Variants in ZKSCAN7 observed in about 807,000 individuals in gnomAD.
ZKSCAN7 encodes zinc finger protein with KRAB and SCAN domains 7.
ZKSCAN7 carries 38 observed loss-of-function variants against 65.3 expected under a neutral mutation model. The observed-to-expected ratio is 0.58, with a 90% confidence interval of 0.45 to 0.76. The LOEUF (loss-of-function observed/expected upper bound fraction) is 0.76, where lower values mean the gene tolerates loss of function less well. ZKSCAN7 is among the 30% of genes least tolerant of loss of function. ZKSCAN7 has a pLI of 0.00. For synonymous variants in ZKSCAN7, 321 were observed against 321.0 expected (o/e 1.00, Z 0.00); for missense variants, 815 against 913.3 (o/e 0.89, Z 1.39).
At chr3:44,578,587 C>T (rs1244977022) in intron 5 of ZKSCAN7, among the ~76,000 whole-genome samples, 1 of 152,206 alleles carries the variant, frequency 6.6e-6, no homozygotes, top group Non-Finnish European at 1.5e-5. Context: ...GTTCCCGCTG[C>T]ACCGACTGCA....
chr3:44,573,064 A>G (rs575248005), downstream of ZKSCAN7, among the ~76,000 whole-genome samples: 1 of 152,320 alleles, frequency 6.6e-6, no homozygotes, highest in South Asian at 2.1e-4. Flanking sequence ...ATCTTAATTT[A>G]AAGATGAGAG....
In ZKSCAN7 at chr3:44,570,450, C is replaced by T. The variant is rs1699768580; in HGVS notation, c.1340C>T (p.Ala447Val). Residue 447 changes from alanine (A) to valine (V), a missense_variant, in exon 6 of 6, where the codon GCC becomes GTC. Physicochemically the swap from Ala to Val is moderately conservative, Grantham distance 64. Around this residue, in one of 3 missense-constraint regions of ZKSCAN7, gnomAD observed 578 missense variants for 629.5 expected, o/e 0.92. Coordinates refer to ENST00000426540, the MANE Select transcript of ZKSCAN7 (RefSeq NM_001288590.2). ...KPYECSECGK[A>V]YRHSSHLIQH... ...TATGAATGCAGTGAGTGTGGAAAGG[C>T]CTATAGGCACAGCTCCCATCTCATT... 1.2e-6 allele frequency: 2 copies of T among 1,614,036 alleles called. No homozygotes were observed. The highest frequency in any genetic ancestry group is 1.7e-6 in the Non-Finnish European group (2 of 1,179,990).
At chr3:44,569,392 G>A (rs1214599496) in intron 5 of ZKSCAN7, among the ~76,000 whole-genome samples, 1 of 152,134 alleles carries the variant, frequency 6.6e-6, no homozygotes, top group Non-Finnish European at 1.5e-5. Flanking sequence ...TGTAAGATCT[G>A]TTCTTTTTGT....
rs1383029156 is a variant in ZKSCAN7, at chr3:44,571,214, G to T, written c.2104G>T (p.Asp702Tyr). 1 of 1,614,130 alleles carries T rather than the reference G, an allele frequency of 6.2e-7. No individual in the cohort carries two copies. The highest frequency in any genetic ancestry group is 1.1e-5 in the South Asian group (1 of 91,078). ...CAATGATTGTGGGAAAGCTTTTAGT[G>T]ACAGCTCACAGCTTATTGTACACCA... The part of the protein sequence containing the change: ...KCNDCGKAFS[D>Y]SSQLIVHQRV... The change falls in exon 6 of 6, where the codon GAC (aspartate) becomes TAC (tyrosine). Residue 702 changes from aspartate to tyrosine, a missense_variant. By Grantham distance (160) the Asp-to-Tyr change is radical. Coordinates refer to ENST00000426540, the MANE Select transcript of ZKSCAN7 (RefSeq NM_001288590.2).
At chr3:44,569,483 T>G (rs1274342235) in intron 5 of ZKSCAN7, among the ~76,000 whole-genome samples, 1 of 152,232 alleles carries the variant, frequency 6.6e-6, no homozygotes, top group African/African-American at 2.4e-5. Context: ...TTCTTATGTT[T>G]GGCTTGAGGT....
chr3:44,580,296 T>C, intron 5 of ZKSCAN7: 1 of 1,613,962 alleles, frequency 6.2e-7, no homozygotes, highest in Non-Finnish European at 8.5e-7. Flanking sequence ...CATGGCGCTC[T>C]CCTCTTCTTT....
chr3:44,572,198 T>A (rs1699825773), downstream of ZKSCAN7: 2 of 985,282 alleles, frequency 2.0e-6, no homozygotes, highest in Non-Finnish European at 2.4e-6. Context: ...GCACGATCTT[T>A]CTCCCCTCCC....
rs1231153505 is a variant in ZKSCAN7 at position 44,571,393 on chromosome 3, C to T, written c.*18C>T. 6.2e-7 allele frequency: 1 copy of T among 1,612,764 alleles called. No homozygotes were observed. Among genetic ancestry groups the T allele is most frequent in the Admixed American group, 1.7e-5 (1 of 60,028 alleles). ...TTTCTTAAGGTATGGTTCTCTGAGA[C>T]AGAGAGCAACGACCTTTGAGTTAAG... is the stretch of plus-strand genomic sequence containing the variant. On this transcript the variant is annotated 3_prime_UTR_variant, in exon 6 of 6. Coordinates refer to ENST00000426540, the MANE Select transcript of ZKSCAN7 (RefSeq NM_001288590.2).
chr3:44,571,707 T>C lies in ZKSCAN7; in HGVS notation c.*332T>C, dbSNP rs1182857422. The C allele has an allele frequency of 2.7e-6, 3 of 1,130,866 alleles. No homozygotes were observed. 70.1% of individuals were successfully genotyped at this position (1,130,866 alleles called of 1,614,324 possible). ...AAAGACAGAGATAATATCTTCTCTA[T>C]TCTATTCTACTTCCTCCATTTCACC... is the stretch of plus-strand genomic sequence containing the variant. On this transcript the variant is annotated 3_prime_UTR_variant, in exon 6 of 6. Transcript: ENST00000426540.
At position 44,557,197 on chromosome 3, in the gene ZKSCAN7, C is replaced by A; in HGVS notation, c.150C>A (p.Cys50Ter). The change falls in exon 2 of 6, where the codon TGC becomes TGA. Residue 50 changes from cysteine (C) to a stop codon, truncating the protein, a stop_gained. Transcript: ENST00000426540. LOFTEE classifies it high-confidence loss of function. ...SSLQKNYPPV[C>*]EIFRLHFRQL... ...TCCAGAAGAACTATCCTCCTGTCTG[C>A]GAAATCTTCCGGCTACACTTCAGGC... is the stretch of plus-strand genomic sequence containing the variant. 1 of 1,614,254 alleles carries A rather than the reference C, an allele frequency of 6.2e-7. No homozygotes were observed. The highest frequency in any genetic ancestry group is 8.5e-7 in the Non-Finnish European group (1 of 1,180,044).
At chr3:44,567,772 G>T (rs1271841387) in intron 3 of ZKSCAN7, 140 bp from the exon 4 acceptor site, 1 of 566,972 alleles carries the variant, frequency 1.8e-6, no homozygotes. Flanking sequence ...CCACTCTTGG[G>T]ATAATGCCTT....
At chr3:44,556,599 T>C (rs141900826) in intron 1 of ZKSCAN7, among the ~76,000 whole-genome samples, 67 of 152,338 alleles carry the variant, frequency 4.4e-4, no homozygotes, top group African/African-American at 1.6e-3. Flanking sequence ...CTTGCACCCT[T>C]TGGGATAGCC....
At position 44,557,358 on chromosome 3, in the gene ZKSCAN7, G is replaced by C. The variant is rs1041561399; in HGVS notation, c.311G>C (p.Ser104Thr). The C allele has an allele frequency of 6.2e-7, 1 of 1,614,138 alleles. No homozygotes were observed. The highest frequency in any genetic ancestry group is 1.3e-5 in the African/African-American group (1 of 74,946). Residue 104 changes from serine (S) to threonine (T), a missense_variant, in exon 2 of 6, where the codon AGC (serine) becomes ACC (threonine). By Grantham distance (58) the Ser-to-Thr change is moderately conservative. Transcript: ENST00000426540. ...LELLVLEQFL[S>T]ILPGELRTWV... ...CTGCTGGTGCTTGAGCAGTTCCTGAGCATCCTCCCTGGGGAGCTCCGGACC... is the reference window on the plus strand; with the variant it reads ...CTGCTGGTGCTTGAGCAGTTCCTGACCATCCTCCCTGGGGAGCTCCGGACC...
intron 5 of ZKSCAN7, chr3:44,581,119 C>T (rs1190485355): frequency 1.0e-5 from 10 of 993,358 alleles, no homozygotes; most frequent in Non-Finnish European, 1.2e-5. Flanking sequence ...CATCCCTCGC[C>T]GGCCCTGCCA....
chr3:44,580,279 C>T (rs957735014), intron 5 of ZKSCAN7: 5 of 1,613,926 alleles, frequency 3.1e-6, no homozygotes, highest in Non-Finnish European at 4.2e-6. Context: ...TCCATGCGGT[C>T]GCTACTCATG....
intron 5 of ZKSCAN7, among the ~76,000 whole-genome samples, 169 bp from the exon 6 acceptor site, chr3:44,569,753 G>GA (rs997681162): frequency 7.2e-5 from 11 of 151,886 alleles, no homozygotes; most frequent in South Asian, 2.1e-4. Context: ...TGTCCCTAGG[G>GA]AAAAAAAATT....
chr3:44,565,681 T>C (rs1248153673), intron 3 of ZKSCAN7, 26 bp downstream of exon 3: 18 of 1,549,300 alleles, frequency 1.2e-5, no homozygotes, highest in Non-Finnish European at 1.6e-5. Context: ...GCTTTGGCCT[T>C]AAGTCATGCC....
intron 2 of ZKSCAN7, among the ~76,000 whole-genome samples, chr3:44,559,740 T>C (rs182231440): frequency 3.3e-4 from 51 of 152,366 alleles, no homozygotes; most frequent in African/African-American, 1.2e-3. Context: ...TCAATGCTTT[T>C]TAAAAAATGA....
intron 5 of ZKSCAN7, chr3:44,578,093 G>A: frequency 6.4e-7 from 1 of 1,573,066 alleles, no homozygotes; most frequent in African/African-American, 1.3e-5. Flanking sequence ...CGGACACCAT[G>A]GCACTGTCAG....
Sources: allele counts gnomAD v4.1 joint callset (sites outside exome capture counted in the v4.1 genomes callset), GRCh38; gene constraint gnomAD v4.1.1; regional missense constraint gnomAD v4.1.1; transcripts MANE v1.5; gene names NCBI Gene and HGNC (gene_info 2026-07-23, HGNC 2026-07-21).